Variants in HDAC8 observed in about 807,000 individuals in gnomAD.
HDAC8 encodes histone deacetylase-like 1.
In HDAC8, 1 loss-of-function variant was observed where a neutral mutation model predicts 32.2. The ratio of observed to expected loss-of-function variants is 0.03; its 90% CI spans 0.01 to 0.15. The LOEUF (loss-of-function observed/expected upper bound fraction) is 0.15, where lower values mean the gene tolerates loss of function less well. Among genes scored for constraint, HDAC8 ranks in the 10% least tolerant of loss-of-function variants. The pLI, the probability that HDAC8 is intolerant of heterozygous loss-of-function variation, is 1.00. For synonymous variants in HDAC8, 108 were observed against 113.9 expected, an observed-to-expected ratio of 0.95 and a Z score of 0.33; for missense variants, 117 against 300.0, an observed-to-expected ratio of 0.39 and a Z score of 4.51.
chrX:72,464,250 G>A (rs1432592496), intron 8 of HDAC8, among the ~76,000 whole-genome samples: 2 of 112,114 alleles, frequency 1.8e-5, no homozygotes, highest in Admixed American at 9.5e-5. Context: ...GTGGATCAAA[G>A]TCTACCGGGG....
chrX:72,450,438 T>A (rs886697124), intron 9 of HDAC8, among the ~76,000 whole-genome samples: 6 of 111,871 alleles, frequency 5.4e-5, no homozygotes, highest in African/African-American at 1.9e-4. Flanking sequence ...TTAAATAAGG[T>A]CTGCTGTACC....
intron 9 of HDAC8, among the ~76,000 whole-genome samples, chrX:72,401,648 C>T (rs1018889575): frequency 2.7e-5 from 3 of 112,158 alleles, no homozygotes; most frequent in Non-Finnish European, 5.6e-5. Context: ...TTTTCATGCC[C>T]TTGTTGGCCA....
At chrX:72,342,379 A>G (rs782656677) in intron 10 of HDAC8, among the ~76,000 whole-genome samples, 90 of 112,481 alleles carry the variant, frequency 8.0e-4, no homozygotes, top group Non-Finnish European at 1.6e-3. Context: ...CAAGGAGGCT[A>G]GGCCCACTTA....
intron 9 of HDAC8, among the ~76,000 whole-genome samples, chrX:72,387,854 G>C (rs1292306484): frequency 9.0e-6 from 1 of 110,923 alleles, no homozygotes; most frequent in Non-Finnish European, 1.9e-5. Flanking sequence ...AGACAGATGA[G>C]TAAATGAATT....
chrX:72,335,623 G>C (rs1284046534), intron 10 of HDAC8, among the ~76,000 whole-genome samples: 1 of 111,789 alleles, frequency 8.9e-6, no homozygotes, highest in Non-Finnish European at 1.9e-5. Flanking sequence ...AAACATTTTT[G>C]TGCAGGGCTG....
chrX:72,338,873 T>G (rs1256258401), intron 10 of HDAC8, among the ~76,000 whole-genome samples: 16 of 105,156 alleles, frequency 1.5e-4, no homozygotes, highest in Non-Finnish European at 3.1e-4. Context: ...AAATAGGGAG[T>G]CCCTGTCTCT....
chrX:72,548,188 T>C (rs1436835938), intron 4 of HDAC8, among the ~76,000 whole-genome samples: 1 of 111,962 alleles, frequency 8.9e-6, no homozygotes, highest in Non-Finnish European at 1.9e-5. Flanking sequence ...CCATTTCCTA[T>C]AGCAGAGTTT....
chrX:72,468,280 C>CGGT (rs1340586053), intron 7 of HDAC8, among the ~76,000 whole-genome samples: 2 of 111,313 alleles, frequency 1.8e-5, no homozygotes, highest in African/African-American at 6.5e-5. Context: ...GTGACGAAGT[C>CGGT]AACCCCACAG....
chrX:72,541,745 T>G (rs782269476), intron 4 of HDAC8, among the ~76,000 whole-genome samples: 1 of 111,273 alleles, frequency 9.0e-6, no homozygotes, highest in East Asian at 2.8e-4. Context: ...GAATTTGAGG[T>G]GTGAACGAAA....
intron 7 of HDAC8, among the ~76,000 whole-genome samples, chrX:72,481,672 C>T (rs1224523194): frequency 3.7e-5 from 4 of 108,717 alleles, no homozygotes; most frequent in Non-Finnish European, 7.6e-5. Context: ...GGCACAATTT[C>T]AGCTCACTGC....
chrX:72,566,702 CAG>C (rs2051805471), intron 4 of HDAC8, among the ~76,000 whole-genome samples: 1 of 112,137 alleles, frequency 8.9e-6, no homozygotes, highest in South Asian at 3.7e-4. Context: ...TTCTCTCAGA[CAG>C]AGGATCGATA....
Position 72,517,703 on chromosome X carries a change from C to T in HDAC8, c.438-22435G>A, listed in dbSNP as rs781865214. Reference sequence around the variant, plus strand: ...TCTTCCCTTATGAATTGTCTTAGTACTTTTGTTGAAAGTCAGTTGATCATA... The same window carrying T: ...TCTTCCCTTATGAATTGTCTTAGTATTTTTGTTGAAAGTCAGTTGATCATA... On this transcript the variant is annotated intron_variant, in intron 4 of 10. Coordinates refer to ENST00000373573, the MANE Select transcript of HDAC8 (RefSeq NM_018486.3). Among the ~76,000 whole-genome samples the T allele has an allele frequency of 4.5e-5, 5 of 111,987 alleles. No individual in the cohort carries two copies. In the East Asian group the frequency reaches 1.4e-3, roughly 31 times the overall value.
Position 72,338,181 on chromosome X carries a change from T to A in HDAC8, c.1112-8105A>T, listed in dbSNP as rs782798895. ...TGTTGGCTTCCTCTCACCAGCTCTA[T>A]GAGGGCAGGGACCTTGTCTGCTGTC... On this transcript the variant is annotated intron_variant, in intron 10 of 10. Transcript: ENST00000373573. Among the ~76,000 whole-genome samples, 3 of 111,920 alleles carry A rather than the reference T, an allele frequency of 2.7e-5. No individual in the cohort carries two copies. The South Asian group carries it at 1.1e-3, about 42-fold the overall frequency.
chrX:72,563,031 G>A (rs1458804210), intron 4 of HDAC8, among the ~76,000 whole-genome samples: 3 of 108,837 alleles, frequency 2.8e-5, no homozygotes, highest in Non-Finnish European at 5.7e-5. Flanking sequence ...ACAGGTGCCC[G>A]CCACCATACC....
At position 72,570,931 on chromosome X, in the gene HDAC8, T is replaced by C. The variant is rs181223576; in HGVS notation, c.164+1126A>G. Among the ~76,000 whole-genome samples, 364 of 112,229 alleles carry C rather than the reference T, an allele frequency of 3.2e-3. 8 individuals are homozygous for C. Among genetic ancestry groups the C allele is most frequent in the Admixed American group, 0.028 (301 of 10,666 alleles). On this transcript the variant is annotated intron_variant, in intron 2 of 10. Transcript: ENST00000373573. Reference sequence around the variant, plus strand: ...GCAGTTTTCTTTGGTCTTTTTTGTTTGTTTGTTTTTTGAGACGGAGTCTCA... The same window carrying C: ...GCAGTTTTCTTTGGTCTTTTTTGTTCGTTTGTTTTTTGAGACGGAGTCTCA...
At chrX:72,572,299 T>C in intron 1 of HDAC8, 190 bp from the exon 2 acceptor site, 1 of 441,955 alleles carries the variant, frequency 2.3e-6, no homozygotes, top group Non-Finnish European at 3.7e-6. Context: ...TCAAAATCAC[T>C]AAGGTGAAAG....
chrX:72,454,239 G>A (rs892557021), intron 9 of HDAC8, among the ~76,000 whole-genome samples: 1 of 112,108 alleles, frequency 8.9e-6, no homozygotes, highest in South Asian at 3.7e-4. Flanking sequence ...GACTGCCACC[G>A]AAGGCCAGAG....
At chrX:72,337,993 C>T (rs1292472110) in intron 10 of HDAC8, among the ~76,000 whole-genome samples, 8 of 111,991 alleles carry the variant, frequency 7.1e-5, no homozygotes, top group East Asian at 5.6e-4. Context: ...CTTGAGTCGA[C>T]GAGTCTCAAC....
chrX:72,357,039 T>C (rs1389564135), intron 9 of HDAC8, among the ~76,000 whole-genome samples: 2 of 110,565 alleles, frequency 1.8e-5, no homozygotes, highest in African/African-American at 6.6e-5. Flanking sequence ...GGAATGGTAA[T>C]AGGGCTTGAA....
Sources: gnomAD v4.1 joint callset for allele counts (sites outside exome capture counted in the v4.1 genomes callset) on GRCh38, gnomAD v4.1.1 for gene constraint, MANE v1.5 for transcripts, NCBI Gene and HGNC (gene_info 2026-07-23, HGNC 2026-07-21) for gene names.